The following GPR107 variants were observed in gnomAD, a reference collection of about 807,000 sequenced individuals.
GPR107 encodes the protein protein GPR107.
GPR107 carries 31 observed loss-of-function variants against 75.5 expected under a neutral mutation model. The observed-to-expected ratio is 0.41, with a 90% CI of 0.31 to 0.55. The LOEUF (loss-of-function observed/expected upper bound fraction) is 0.55. GPR107 is among the 20% of genes least tolerant of loss of function. The pLI is 0.26. For missense variants in GPR107, 572 were observed against 665.7 expected (o/e 0.86, Z 1.55); for synonymous variants, 267 against 251.3 (o/e 1.06, Z -0.59).
intron 17 of GPR107, among the ~76,000 whole-genome samples, chr9:130,132,215 C>G (rs1831843895): frequency 6.6e-6 from 1 of 152,176 alleles, no homozygotes; most frequent in African/African-American, 2.4e-5. Flanking sequence ...GTCCATTCTC[C>G]CGGGCTCTAG....
chr9:130,104,663 C>T (rs909722493), intron 13 of GPR107, 113 bp downstream of exon 13: 16 of 884,050 alleles, frequency 1.8e-5, no homozygotes, highest in Non-Finnish European at 2.7e-5. Context: ...TTTAAAAGTA[C>T]AGCTTTCTGA....
intron 13 of GPR107, among the ~76,000 whole-genome samples, chr9:130,105,660 G>A (rs560918885): frequency 6.6e-6 from 1 of 151,910 alleles, no homozygotes; most frequent in Non-Finnish European, 1.5e-5. Context: ...CAAATGGAGA[G>A]TACTTCTCAT....
chr9:130,060,002 A>G (rs946475283), intron 1 of GPR107, among the ~76,000 whole-genome samples: 2 of 151,764 alleles, frequency 1.3e-5, no homozygotes, highest in African/African-American at 4.8e-5. Flanking sequence ...GGCCTCCCAA[A>G]GTGATAGGAT....
Position 130,100,655 on chromosome 9 carries a change from G to A in GPR107, c.966G>A (p.Gln322=), listed in dbSNP as rs376645950. Reference sequence around the variant, plus strand: ...TTGACTACCACTACATCTCCTCCCAGGGCTTCCCTATCGAAGGCTGGGCTG... The same window carrying A: ...TTGACTACCACTACATCTCCTCCCAAGGCTTCCCTATCGAAGGCTGGGCTG... ...HAIDYHYISS[Q]GFPIEGWAVV... The change falls in exon 11 of 18, where the codon CAG becomes CAA. Residue 322 remains glutamine (Q), a synonymous_variant. Coordinates refer to ENST00000347136, the MANE Select transcript of GPR107 (RefSeq NM_020960.5). 9.3e-6 allele frequency: 15 copies of A among 1,613,222 alleles called. No individual in the cohort carries two copies. In the African/African-American group the frequency reaches 1.5e-4, roughly 16 times the overall value.
At chr9:130,129,170 TC>T (rs1345405800) in intron 17 of GPR107, 1 of 167,372 alleles carries the variant, frequency 6.0e-6, no homozygotes, top group Non-Finnish European at 1.3e-5. Context: ...TCCTCAGACA[TC>T]CTCTATCGTC....
At chr9:130,123,760 G>A (rs530430292) in intron 14 of GPR107, among the ~76,000 whole-genome samples, 154 of 151,882 alleles carry the variant, frequency 1.0e-3, no homozygotes, top group Non-Finnish European at 1.8e-3. Flanking sequence ...TTCCCAAAGT[G>A]TTGGATTACA....
intron 7 of GPR107, among the ~76,000 whole-genome samples, chr9:130,087,120 C>T (rs2132583123): frequency 6.6e-6 from 1 of 151,288 alleles, no homozygotes; most frequent in East Asian, 1.9e-4. Flanking sequence ...TCACTGCAGC[C>T]TCAACCTCCT....
chr9:130,133,221 G>A (rs1554899449), intron 17 of GPR107: 3 of 152,176 alleles, frequency 2.0e-5, no homozygotes, highest in African/African-American at 2.4e-5. Context: ...AAGAATAAAA[G>A]TTGTTTTCTC....
chr9:130,093,633 G>T (rs941322987), intron 9 of GPR107, among the ~76,000 whole-genome samples: 21 of 152,134 alleles, frequency 1.4e-4, no homozygotes, highest in Admixed American at 1.4e-3. Context: ...TGTTTACTTG[G>T]GAAGGAGCTA....
chr9:130,123,100 A>G (rs1329977772), intron 14 of GPR107, among the ~76,000 whole-genome samples: 2 of 152,162 alleles, frequency 1.3e-5, no homozygotes, highest in African/African-American at 4.8e-5. Flanking sequence ...CCTGGAGTGC[A>G]GTGGCATGAT....
chr9:130,064,006 T>C (rs1055102308), intron 1 of GPR107, among the ~76,000 whole-genome samples: 2 of 151,376 alleles, frequency 1.3e-5, no homozygotes. Context: ...GGTTACACCA[T>C]GCTGGCCAGA....
chr9:130,131,876 C>T (rs375789564), intron 17 of GPR107, among the ~76,000 whole-genome samples: 77 of 152,284 alleles, frequency 5.1e-4, no homozygotes, highest in African/African-American at 1.8e-3. Flanking sequence ...TCTCCCCTTC[C>T]TGTCCATCCT....
intron 1 of GPR107, among the ~76,000 whole-genome samples, chr9:130,057,583 A>G (rs1040820764): frequency 6.6e-5 from 10 of 151,894 alleles, no homozygotes; most frequent in Non-Finnish European, 1.3e-4. Flanking sequence ...ATAGAATAGC[A>G]TAATGAACTC....
At chr9:130,107,944 C>G (rs1831199881) in intron 14 of GPR107, among the ~76,000 whole-genome samples, 1 of 152,180 alleles carries the variant, frequency 6.6e-6, no homozygotes, top group African/African-American at 2.4e-5. Context: ...AACACACTTT[C>G]AAAATAGATG....
At chr9:130,128,548 G>A (rs1407682602) in intron 16 of GPR107, 92 bp from the exon 17 acceptor site, 2 of 1,060,560 alleles carry the variant, frequency 1.9e-6, no homozygotes, top group South Asian at 1.3e-5. Context: ...GTGGTGGGTT[G>A]TGGGGAAATA....
intron 14 of GPR107, among the ~76,000 whole-genome samples, chr9:130,110,697 C>T (rs1419344544): frequency 6.6e-6 from 1 of 152,198 alleles, no homozygotes; most frequent in Non-Finnish European, 1.5e-5. Flanking sequence ...GCAGAGAGGT[C>T]TCAGGAATGG....
intron 7 of GPR107, among the ~76,000 whole-genome samples, chr9:130,088,543 C>T (rs1830666002): frequency 6.6e-6 from 1 of 152,346 alleles, no homozygotes; most frequent in East Asian, 1.9e-4. Flanking sequence ...GTATATGAAA[C>T]TCCTGATCTT....
chr9:130,077,454 T>C lies in GPR107; in HGVS notation c.386+76T>C, dbSNP rs1830376983. 4 of 802,752 alleles carry C rather than the reference T, an allele frequency of 5.0e-6. No individual in the cohort carries two copies. In the Admixed American group the frequency reaches 5.2e-5, roughly 11 times the overall value. The allele number at this position is 802,752 out of a possible 1,614,324, so 49.7% of individuals were successfully genotyped here. ...GAATTTAGTAGTATGCTAACATTCC[T>C]TGGGTGTCTGCCATGTGCCAGAGAC... On this transcript the variant is annotated intron_variant, in intron 4 of 17. Coordinates refer to ENST00000347136, the MANE Select transcript of GPR107 (RefSeq NM_020960.5).
At chr9:130,076,965 G>A (rs1207409359) in intron 3 of GPR107, among the ~76,000 whole-genome samples, 1 of 149,718 alleles carries the variant, frequency 6.7e-6, no homozygotes, top group Non-Finnish European at 1.5e-5. Context: ...TTGGCTCACT[G>A]CAACCTCCGC....
Sources: gnomAD v4.1 joint callset for allele counts (sites outside exome capture counted in the v4.1 genomes callset) on GRCh38, gnomAD v4.1.1 for gene constraint, MANE v1.5 for transcripts, NCBI Gene and HGNC (gene_info 2026-07-23, HGNC 2026-07-21) for gene names.